Variants in CPEB3 observed in about 807,000 individuals in gnomAD.
CPEB3 encodes cytoplasmic polyadenylation element binding protein 3, also known as cytoplasmic polyadenylation element-binding protein 3.
Under a neutral mutation model 67.2 loss-of-function variants are expected in CPEB3, and 20 were observed. The ratio of observed to expected loss-of-function variants is 0.30; its 90% CI spans 0.21 to 0.43. CPEB3 has a LOEUF of 0.43. CPEB3 is among the 20% of genes least tolerant of loss of function. CPEB3 has a pLI of 1.00. For missense variants in CPEB3, 746 were observed against 968.6 expected (o/e 0.77, Z 3.05); for synonymous variants, 376 against 393.1 (o/e 0.96, Z 0.51).
Position 92,240,368 on chromosome 10 carries a change from CG to C in CPEB3, c.-11-8del, listed in dbSNP as rs1172542484. ...TCCTGCATGGTTTGCGCAGCTGAAA[CG>C]GGAAAAAAGAGAGACGCGTTATTGT... On this transcript the variant is annotated splice_region_variant and splice_polypyrimidine_tract_variant and intron_variant, in intron 1 of 9. Coordinates refer to ENST00000265997, the MANE Select transcript of CPEB3 (RefSeq NM_014912.5). The C allele has an allele frequency of 7.7e-6, 11 of 1,435,486 alleles. No individual in the cohort carries two copies. The highest frequency in any genetic ancestry group is 1.0e-5 in the Non-Finnish European group (11 of 1,089,890). The allele number at this position is 1,435,486 out of a possible 1,614,324, so 88.9% of individuals were successfully genotyped here.
intron 4 of CPEB3, among the ~76,000 whole-genome samples, chr10:92,168,388 G>C (rs1263068797): frequency 1.3e-5 from 2 of 152,116 alleles, no homozygotes; most frequent in African/African-American, 4.8e-5. Flanking sequence ...GAGATAAAAA[G>C]TATGAGATAA....
Position 92,051,921 on chromosome 10 carries a change from C to G in CPEB3, c.*291G>C, listed in dbSNP as rs1841907422. ...GCTGATGAGAATGGCAGTCTACATA[C>G]TGTCACGAGTGACAAATCAGGTATA... On this transcript the variant is annotated 3_prime_UTR_variant, in exon 10 of 10. Transcript: ENST00000265997. 6.7e-6 allele frequency: 2 copies of G among 298,254 alleles called. No individual in the cohort carries two copies. Among genetic ancestry groups the G allele is most frequent in the Non-Finnish European group, 1.3e-5 (2 of 159,048 alleles). The allele number at this position is 298,254 out of a possible 1,614,324, so 18.5% of individuals were successfully genotyped here. A position where few individuals can be genotyped will look rare whatever the true frequency, so the allele number is the denominator to read the frequency against.
intron 9 of CPEB3, among the ~76,000 whole-genome samples, chr10:92,069,349 A>T (rs1355422501): frequency 1.3e-5 from 2 of 152,200 alleles, no homozygotes; most frequent in Non-Finnish European, 2.9e-5. Context: ...TCATTAAATA[A>T]AAAATTGACT....
intron 1 of CPEB3, among the ~76,000 whole-genome samples, chr10:92,250,858 ATTTTTTTTTTTT>A (rs1211646953): frequency 9.6e-5 from 10 of 104,120 alleles, no homozygotes; most frequent in African/African-American, 3.7e-4. Context: ...CACACAGTTA[ATTTTTTTTTTTT>A]TTTTTTTTTT....
At chr10:92,060,905 A>G (rs186769431) in intron 9 of CPEB3, among the ~76,000 whole-genome samples, 4 of 152,336 alleles carry the variant, frequency 2.6e-5, no homozygotes, top group Non-Finnish European at 5.9e-5. Flanking sequence ...ACCCTTGTAC[A>G]CTGTTGGTTG....
rs1036121467 is a variant in CPEB3 at position 92,244,659 on chromosome 10, G to A, written c.-11-4298C>T. 2.6e-5 allele frequency among the ~76,000 whole-genome samples: 4 copies of A among 151,976 alleles called. No individual in the cohort carries two copies. In the East Asian group the frequency reaches 7.8e-4, roughly 30 times the overall value. ...TCACTGTGTTAGCCAGGATGGTCTC[G>A]ATCTCCTGACCTCGTGATCCGCCCG... is the stretch of plus-strand genomic sequence containing the variant. On this transcript the variant is annotated intron_variant, in intron 1 of 9. Transcript: ENST00000265997.
intron 6 of CPEB3, among the ~76,000 whole-genome samples, chr10:92,114,807 G>A (rs568709575): frequency 6.6e-6 from 1 of 152,172 alleles, no homozygotes. Flanking sequence ...CCAAATATTT[G>A]TCCCAATTAC....
chr10:92,162,976 T>C (rs1847566859), intron 4 of CPEB3, among the ~76,000 whole-genome samples: 4 of 152,152 alleles, frequency 2.6e-5, no homozygotes, highest in Admixed American at 2.6e-4. Context: ...CCCACCATAG[T>C]ATATTTGTAA....
At chr10:92,053,040 C>T (rs997411173) in intron 9 of CPEB3, among the ~76,000 whole-genome samples, 1 of 152,238 alleles carries the variant, frequency 6.6e-6, no homozygotes, top group Non-Finnish European at 1.5e-5. Context: ...CGTAATGACA[C>T]AGCTCCCTGA....
intron 1 of CPEB3, among the ~76,000 whole-genome samples, chr10:92,268,702 G>A (rs1391203244): frequency 3.3e-5 from 5 of 152,172 alleles, no homozygotes; most frequent in South Asian, 2.1e-4. Context: ...TTCATTGAGT[G>A]TACATTTAAT....
chr10:92,142,987 C>T (rs776616096), intron 6 of CPEB3, 42 bp downstream of exon 6: 3 of 1,414,464 alleles, frequency 2.1e-6, no homozygotes, highest in Admixed American at 3.5e-5. Context: ...GTCATGCTAT[C>T]TCTCCAACAG....
At chr10:92,289,832 T>A (rs1166274604) in intron 1 of CPEB3, among the ~76,000 whole-genome samples, 5 of 141,028 alleles carry the variant, frequency 3.5e-5, no homozygotes, top group Admixed American at 7.4e-5. Flanking sequence ...ACATATATAT[T>A]ATATATAATA....
intron 6 of CPEB3, among the ~76,000 whole-genome samples, chr10:92,116,386 A>G (rs1404938457): frequency 6.6e-6 from 1 of 152,160 alleles, no homozygotes; most frequent in East Asian, 1.9e-4. Context: ...GACAGGCTGA[A>G]TATTACTGCA....
At chr10:92,083,396 G>A (rs989448392) in intron 8 of CPEB3, among the ~76,000 whole-genome samples, 1 of 152,180 alleles carries the variant, frequency 6.6e-6, no homozygotes, top group African/African-American at 2.4e-5. Flanking sequence ...GCAGGATCCA[G>A]GAATCACATT....
intron 9 of CPEB3, among the ~76,000 whole-genome samples, chr10:92,060,755 T>A (rs2134310197): frequency 6.6e-6 from 1 of 152,190 alleles, no homozygotes; most frequent in Non-Finnish European, 1.5e-5. Flanking sequence ...AAACGGAATA[T>A]GAAAAGGTGC....
intron 2 of CPEB3, among the ~76,000 whole-genome samples, chr10:92,232,544 G>C (rs546241313): frequency 2.6e-5 from 4 of 151,502 alleles, no homozygotes; most frequent in Non-Finnish European, 5.9e-5. Context: ...GGATCACAAG[G>C]TCAGGAGTTC....
chr10:92,142,017 CA>C (rs1307913210), intron 6 of CPEB3, among the ~76,000 whole-genome samples: 10 of 49,058 alleles, frequency 2.0e-4, no homozygotes, highest in Admixed American at 2.3e-4. Context: ...GACTCCGTCT[CA>C]AAAAAAAAAA....
At chr10:92,213,108 C>A (rs1002688242) in intron 2 of CPEB3, among the ~76,000 whole-genome samples, 5 of 152,128 alleles carry the variant, frequency 3.3e-5, no homozygotes, top group African/African-American at 4.8e-5. Flanking sequence ...TTTACCAATC[C>A]CCACCCAAAT....
chr10:92,059,587 G>A (rs1038738782), intron 9 of CPEB3, among the ~76,000 whole-genome samples: 5 of 151,598 alleles, frequency 3.3e-5, no homozygotes, highest in African/African-American at 9.7e-5. Flanking sequence ...AAGGGAGAAC[G>A]AAACCCAAAA....
Sources: allele counts gnomAD v4.1 joint callset (sites outside exome capture counted in the v4.1 genomes callset), GRCh38; gene constraint gnomAD v4.1.1; transcripts MANE v1.5; gene names NCBI Gene and HGNC (gene_info 2026-07-23, HGNC 2026-07-21).